Variants in SIDT1 observed in about 807,000 individuals in gnomAD.
SIDT1 encodes SID1 transmembrane family, member 1.
A neutral mutation model predicts 107.5 loss-of-function variants in SIDT1; 101 were observed. The observed-to-expected ratio is 0.94, with a 90% CI of 0.80 to 1.11. The LOEUF (loss-of-function observed/expected upper bound fraction) is 1.11. Among genes scored for constraint, SIDT1 ranks in the 50% least tolerant of loss-of-function variants. SIDT1 has a pLI of 0.00. For synonymous variants in SIDT1, 395 were observed against 398.2 expected (o/e 0.99, Z 0.10); for missense variants, 1,076 against 1,058.2 (o/e 1.02, Z -0.23).
chr3:113,585,386 T>C, intron 9 of SIDT1, 116 bp downstream of exon 9: 2 of 777,104 alleles, frequency 2.6e-6, no homozygotes, highest in South Asian at 3.1e-5. Flanking sequence ...CCACTAGCAA[T>C]GTGACCTTGG....
intron 4 of SIDT1, among the ~76,000 whole-genome samples, chr3:113,579,065 T>C (rs1317488665): frequency 6.6e-6 from 1 of 152,214 alleles, no homozygotes; most frequent in Admixed American, 6.5e-5. Flanking sequence ...TTGCACATTC[T>C]CAGATAACCT....
Position 113,583,466 on chromosome 3 carries a change from T to G in SIDT1, c.805T>G (p.Tyr269Asp). Residue 269 changes from tyrosine (Y) to aspartate (D), a missense_variant, in exon 7 of 25, where the codon TAT (tyrosine) becomes GAT (aspartate). Physicochemically the swap from Tyr to Asp is radical, Grantham distance 160. Coordinates refer to ENST00000264852, the MANE Select transcript of SIDT1 (RefSeq NM_017699.3). ...GGTATTTGTGATAAAGCCTGAAGAT[T>G]ATGCCTGTGGAGGATCTTTCTTCAT... ...FVVFVIKPED[Y>D]ACGGSFFIQE... 2.5e-6 allele frequency: 4 copies of G among 1,599,554 alleles called. No homozygotes were observed. The highest frequency in any genetic ancestry group is 3.4e-6 in the Non-Finnish European group (4 of 1,169,862).
At chr3:113,593,627 C>T (rs1265600483) in intron 10 of SIDT1, among the ~76,000 whole-genome samples, 1 of 152,172 alleles carries the variant, frequency 6.6e-6, no homozygotes, top group Non-Finnish European at 1.5e-5. Flanking sequence ...ATTGGTCAGC[C>T]ATTCATCTTT....
intron 3 of SIDT1, 145 bp from the exon 4 acceptor site, chr3:113,576,777 C>T (rs933213352): frequency 2.0e-5 from 16 of 786,148 alleles, no homozygotes; most frequent in Admixed American, 8.5e-5. Flanking sequence ...GTCAGTTTCA[C>T]GGAACCGGAA....
intron 10 of SIDT1, among the ~76,000 whole-genome samples, chr3:113,599,621 A>G (rs548368475): frequency 6.6e-6 from 1 of 152,340 alleles, no homozygotes; most frequent in African/African-American, 2.4e-5. Context: ...TGCTAAGTGG[A>G]ATACACCAGA....
intron 1 of SIDT1, among the ~76,000 whole-genome samples, chr3:113,555,736 A>G (rs1940782741): frequency 6.6e-6 from 1 of 152,168 alleles, no homozygotes; most frequent in Non-Finnish European, 1.5e-5. Flanking sequence ...GGGAATAAAC[A>G]GCTCCCAAGG....
chr3:113,586,118 T>C (rs1357311100), intron 9 of SIDT1, among the ~76,000 whole-genome samples: 2 of 152,228 alleles, frequency 1.3e-5, no homozygotes, highest in Non-Finnish European at 2.9e-5. Context: ...TTTAAGAATA[T>C]GGGTCTATCT....
intron 19 of SIDT1, among the ~76,000 whole-genome samples, chr3:113,613,090 A>G (rs960202466): frequency 6.6e-6 from 1 of 152,236 alleles, no homozygotes; most frequent in Non-Finnish European, 1.5e-5. Flanking sequence ...GGTTTCTCAA[A>G]GAACACTTTT....
chr3:113,606,191 T>G lies in SIDT1; in HGVS notation c.1405-850T>G, dbSNP rs75094893. On this transcript the variant is annotated intron_variant, in intron 14 of 24. Coordinates refer to ENST00000264852, the MANE Select transcript of SIDT1 (RefSeq NM_017699.3). ...GTCACTTATATGGCCTTCTATAGAATTTATTACACAGTAGAAAGCCCATTT... is the reference window on the plus strand; with the variant it reads ...GTCACTTATATGGCCTTCTATAGAAGTTATTACACAGTAGAAAGCCCATTT... Among the ~76,000 whole-genome samples the G allele has an allele frequency of 1.0e-2, 1,520 of 152,298 alleles. 25 individuals are homozygous for G. The highest frequency in any genetic ancestry group is 0.031 in the African/African-American group (1,283 of 41,562).
At chr3:113,596,296 C>T (rs940523129) in intron 10 of SIDT1, among the ~76,000 whole-genome samples, 1 of 152,208 alleles carries the variant, frequency 6.6e-6, no homozygotes, top group Non-Finnish European at 1.5e-5. Flanking sequence ...AAATTGGTGG[C>T]AGCTCTGTTG....
intron 19 of SIDT1, 109 bp downstream of exon 19, chr3:113,612,303 A>G (rs961243350): frequency 1.8e-5 from 14 of 781,872 alleles, no homozygotes; most frequent in Non-Finnish European, 2.9e-5. Flanking sequence ...CCGTGAACAC[A>G]TGCTCTGAAT....
At chr3:113,619,075 T>C (rs1000835849) in intron 20 of SIDT1, among the ~76,000 whole-genome samples, 3 of 152,232 alleles carry the variant, frequency 2.0e-5, no homozygotes, top group African/African-American at 4.8e-5. Flanking sequence ...TCTGCCCGCC[T>C]TAGCCTCCCA....
At chr3:113,579,718 T>C (rs965764763) in intron 4 of SIDT1, among the ~76,000 whole-genome samples, 1 of 152,232 alleles carries the variant, frequency 6.6e-6, no homozygotes, top group Non-Finnish European at 1.5e-5. Flanking sequence ...TTTGCCTCTC[T>C]GTACATGATA....
At chr3:113,551,777 A>G (rs1178990688) in intron 1 of SIDT1, among the ~76,000 whole-genome samples, 1 of 151,728 alleles carries the variant, frequency 6.6e-6, no homozygotes, top group Non-Finnish European at 1.5e-5. Flanking sequence ...CCCATGAACC[A>G]TGGTCTTACT....
At chr3:113,574,028 G>A (rs1273698921) in intron 3 of SIDT1, among the ~76,000 whole-genome samples, 7 of 152,186 alleles carry the variant, frequency 4.6e-5, no homozygotes, top group Non-Finnish European at 1.0e-4. Flanking sequence ...GTGAAGAGAG[G>A]AAGGACATAG....
downstream of SIDT1, among the ~76,000 whole-genome samples, chr3:113,634,037 T>C (rs1375660297): frequency 1.3e-5 from 2 of 151,894 alleles, no homozygotes; most frequent in Non-Finnish European, 2.9e-5. Context: ...GTCAGAAAAA[T>C]AAGGTGATAT....
intron 1 of SIDT1, among the ~76,000 whole-genome samples, chr3:113,537,538 T>G (rs1386062912): frequency 6.6e-6 from 1 of 152,246 alleles, no homozygotes; most frequent in Non-Finnish European, 1.5e-5. Flanking sequence ...AAGCCTCCTC[T>G]GCTGTCCTCC....
intron 14 of SIDT1, chr3:113,606,781 T>A (rs1033688997): frequency 2.7e-6 from 1 of 367,400 alleles, no homozygotes; most frequent in Non-Finnish European, 5.0e-6. Flanking sequence ...GGAAATGCAA[T>A]TGGATGAATT....
chr3:113,554,560 T>A (rs1186280520), intron 1 of SIDT1, among the ~76,000 whole-genome samples: 2 of 152,188 alleles, frequency 1.3e-5, no homozygotes, highest in Non-Finnish European at 2.9e-5. Context: ...AGACGTGCCT[T>A]TGCTCCTCCT....
Sources: allele counts gnomAD v4.1 joint callset (sites outside exome capture counted in the v4.1 genomes callset), GRCh38; gene constraint gnomAD v4.1.1; transcripts MANE v1.5; gene names NCBI Gene and HGNC (gene_info 2026-07-23, HGNC 2026-07-21).